Variants in STPG2 observed in about 807,000 individuals in gnomAD.
The protein encoded by STPG2 is sperm tail PG-rich repeat containing 2.
A neutral mutation model predicts 54.2 loss-of-function variants in STPG2; 56 were observed. The ratio of observed to expected loss-of-function variants is 1.03; its 90% confidence interval spans 0.83 to 1.29. The LOEUF (loss-of-function observed/expected upper bound fraction) is 1.29. Among genes scored for constraint, STPG2 ranks in the 50% most tolerant of loss-of-function variants. STPG2 has a pLI of 0.00. For missense variants in STPG2, 596 were observed against 544.9 expected, an observed-to-expected ratio of 1.09 and a Z score of -0.93; for synonymous variants, 200 against 181.8, an observed-to-expected ratio of 1.10 and a Z score of -0.81.
At chr4:98,013,554 C>T (rs1365864956) in intron 5 of STPG2, among the ~76,000 whole-genome samples, 29 of 132,920 alleles carry the variant, frequency 2.2e-4, no homozygotes, top group Admixed American at 1.6e-4. Context: ...TGGTAGAATT[C>T]GGCTGTGAAT....
chr4:97,686,890 A>G (rs1723206912), intron 10 of STPG2, among the ~76,000 whole-genome samples: 1 of 151,418 alleles, frequency 6.6e-6, no homozygotes, highest in South Asian at 2.1e-4. Flanking sequence ...TTTCTCTCAA[A>G]TGACATAGCT....
At chr4:97,859,849 T>C (rs1267456668) in intron 8 of STPG2, among the ~76,000 whole-genome samples, 1 of 152,230 alleles carries the variant, frequency 6.6e-6, no homozygotes, top group African/African-American at 2.4e-5. Flanking sequence ...AGAATTTTTA[T>C]GGTTTCAGGT....
At chr4:97,739,638 C>T (rs1215432341) in intron 9 of STPG2, among the ~76,000 whole-genome samples, 8 of 152,172 alleles carry the variant, frequency 5.3e-5, no homozygotes, top group Non-Finnish European at 1.2e-4. Context: ...TTCCTCGACA[C>T]ATACACCCTC....
chr4:97,698,583 T>A (rs1723662642), intron 10 of STPG2, among the ~76,000 whole-genome samples: 1 of 152,072 alleles, frequency 6.6e-6, no homozygotes, highest in Admixed American at 6.5e-5. Context: ...GAAGCAACAA[T>A]GTTGCTAGTG....
At position 97,923,545 on chromosome 4, in the gene STPG2, T is replaced by C. The variant is rs187794976; in HGVS notation, c.1044+20352A>G. On this transcript the variant is annotated intron_variant, in intron 8 of 10. Coordinates refer to ENST00000295268, the MANE Select transcript of STPG2 (RefSeq NM_174952.3). ...AGCTAAGGGATTGTGAATGCACCAA[T>C]TGGCACTCTGTATCTAGCTCAAGGT... Among the ~76,000 whole-genome samples, 495 of 152,348 alleles carry C rather than the reference T, an allele frequency of 3.2e-3. 2 individuals carry two copies. The highest frequency in any genetic ancestry group is 5.6e-3 in the Non-Finnish European group (381 of 68,026).
At chr4:97,672,166 CTTT>C (rs70953079) in intron 10 of STPG2, among the ~76,000 whole-genome samples, 15 of 80,696 alleles carry the variant, frequency 1.9e-4, no homozygotes, top group Admixed American at 9.1e-4. Context: ...ACTGGTAATT[CTTT>C]TTTTTTTTTT....
intron 5 of STPG2, among the ~76,000 whole-genome samples, chr4:97,982,279 T>A (rs1734706775): frequency 6.6e-6 from 1 of 151,970 alleles, no homozygotes; most frequent in Non-Finnish European, 1.5e-5. Context: ...TTTACCCAGA[T>A]TCCTCTATTA....
At chr4:97,497,782 G>C (rs1275374024) in intron 4 of STPG2, among the ~76,000 whole-genome samples, 1 of 151,678 alleles carries the variant, frequency 6.6e-6, no homozygotes, top group Non-Finnish European at 1.5e-5. Context: ...TATTAATAAG[G>C]AAAACATAAA....
At chr4:98,022,161 G>C (rs1483235876) in intron 5 of STPG2, among the ~76,000 whole-genome samples, 1 of 152,072 alleles carries the variant, frequency 6.6e-6, no homozygotes, top group Non-Finnish European at 1.5e-5. Flanking sequence ...GGTACTGGTT[G>C]TTCCTTTCCA....
intron 4 of STPG2, among the ~76,000 whole-genome samples, chr4:97,478,956 T>A (rs560552381): frequency 1.3e-5 from 2 of 150,840 alleles, no homozygotes; most frequent in Non-Finnish European, 3.0e-5. Flanking sequence ...TATAAGTAAT[T>A]GGATGATGGA....
intron 9 of STPG2, among the ~76,000 whole-genome samples, chr4:97,778,206 A>C (rs356550): frequency 0.58 from 88,132 of 151,528 alleles, 26,162 homozygotes; most frequent in East Asian, 0.73. Context: ...AATCGGGTCA[A>C]TCCCACCCTA....
intron 8 of STPG2, among the ~76,000 whole-genome samples, chr4:97,872,160 T>C (rs1016239716): frequency 1.3e-5 from 2 of 151,080 alleles, no homozygotes; most frequent in African/African-American, 4.8e-5. Context: ...AAAATATATA[T>C]GCTTAGTTAC....
rs181309237 is a variant in STPG2, at chr4:97,588,837, T to C, written c.1321-29720A>G. Among the ~76,000 whole-genome samples, 504 of 152,240 alleles carry C rather than the reference T, an allele frequency of 3.3e-3. 3 individuals carry two copies. Among genetic ancestry groups the C allele is most frequent in the African/African-American group, 0.011 (476 of 41,546 alleles). On this transcript the variant is annotated intron_variant, in intron 10 of 10. Coordinates refer to ENST00000295268, the MANE Select transcript of STPG2 (RefSeq NM_174952.3). Reference sequence around the variant, plus strand: ...GAACAATTAAAGTATCCAAAAATACTATCAAAAACAAAAACAGCAGCTAGC... The same window carrying C: ...GAACAATTAAAGTATCCAAAAATACCATCAAAAACAAAAACAGCAGCTAGC...
At chr4:97,957,095 T>C (rs1211847615) in intron 7 of STPG2, among the ~76,000 whole-genome samples, 2 of 112,824 alleles carry the variant, frequency 1.8e-5, no homozygotes, top group East Asian at 2.5e-4. Flanking sequence ...GAAATATACA[T>C]AGGTGAAATA....
At chr4:97,855,240 A>G (rs1249094430) in intron 8 of STPG2, among the ~76,000 whole-genome samples, 1 of 152,172 alleles carries the variant, frequency 6.6e-6, no homozygotes, top group African/African-American at 2.4e-5. Context: ...CCTGCTTAAT[A>G]ACAGAATGAT....
chr4:97,735,731 G>A (rs10013348), intron 9 of STPG2, among the ~76,000 whole-genome samples: 126,814 of 151,076 alleles, frequency 0.84, 53,376 homozygotes, highest in Middle Eastern at 0.95. Flanking sequence ...ACAATATATA[G>A]GGATACGTGT....
intron 4 of STPG2, among the ~76,000 whole-genome samples, chr4:97,512,847 T>C (rs757557282): frequency 2.0e-5 from 3 of 152,046 alleles, no homozygotes; most frequent in Non-Finnish European, 4.4e-5. Context: ...TGTGTGGAGC[T>C]TCCCCACAAC....
At chr4:97,920,124 A>G (rs575419425) in intron 8 of STPG2, among the ~76,000 whole-genome samples, 1 of 152,360 alleles carries the variant, frequency 6.6e-6, no homozygotes, top group South Asian at 2.1e-4. Flanking sequence ...TTGAGAGACA[A>G]AACACTGAGA....
At chr4:97,516,970 C>T (rs991962124) in intron 4 of STPG2, among the ~76,000 whole-genome samples, 7 of 151,662 alleles carry the variant, frequency 4.6e-5, no homozygotes, top group African/African-American at 1.7e-4. Flanking sequence ...TGCAGTGGGG[C>T]GATCTCTGCT....
Sources: allele counts gnomAD v4.1 joint callset (sites outside exome capture counted in the v4.1 genomes callset), GRCh38; gene constraint gnomAD v4.1.1; transcripts MANE v1.5; gene names NCBI Gene and HGNC (gene_info 2026-07-23, HGNC 2026-07-21).